GCA: variants seen among roughly 807,000 people sequenced by gnomAD.
GCA encodes grancalcin, EF-hand calcium-binding protein.
GCA carries 30 observed loss-of-function variants against 32.6 expected under a neutral mutation model. That is an observed-to-expected ratio of 0.92 (90% CI 0.69 to 1.25). The LOEUF is 1.25. Among genes scored for constraint, GCA ranks in the 50% most tolerant of loss-of-function variants. The pLI is 0.00. For missense variants in GCA, 291 were observed against 266.8 expected, an observed-to-expected ratio of 1.09 and a Z score of -0.63; for synonymous variants, 102 against 84.6, an observed-to-expected ratio of 1.21 and a Z score of -1.13.
At chr2:162,333,429 TTATC>T (rs1211261994) in intron 1 of GCA, among the ~76,000 whole-genome samples, 1 of 152,124 alleles carries the variant, frequency 6.6e-6, no homozygotes, top group Non-Finnish European at 1.5e-5. Flanking sequence ...TGTGTTTCAT[TTATC>T]TATCTGAGTA....
chr2:162,366,815 T>C (rs1262221050), downstream of GCA, among the ~76,000 whole-genome samples: 1 of 151,948 alleles, frequency 6.6e-6, no homozygotes, highest in Admixed American at 6.6e-5. Context: ...AAGGATGCTA[T>C]CTATACTGGC....
At chr2:162,341,267 T>TTA (rs3052040), upstream of GCA, among the ~76,000 whole-genome samples, 15,808 of 115,824 alleles carry the variant, frequency 0.14, 1,070 homozygotes, top group South Asian at 0.24. Flanking sequence ...CTTATTTATT[T>TTA]TATATATATA....
chr2:162,328,261 A>G (rs1282086062), intron 1 of GCA, among the ~76,000 whole-genome samples: 1 of 150,752 alleles, frequency 6.6e-6, no homozygotes, highest in African/African-American at 2.4e-5. Context: ...GAATGGTGGC[A>G]TGTGCCTGTA....
chr2:162,349,471 G>C (rs1684881057), intron 2 of GCA, among the ~76,000 whole-genome samples: 1 of 152,022 alleles, frequency 6.6e-6, no homozygotes, highest in African/African-American at 2.4e-5. Flanking sequence ...AACTAAGATA[G>C]TTGCATGTGT....
chr2:162,373,735 C>A, downstream of GCA: 2 of 1,039,764 alleles, frequency 1.9e-6, no homozygotes, highest in Non-Finnish European at 1.3e-6. Context: ...AAAAAAATTT[C>A]AGCACTACCA....
chr2:162,326,465 C>A (rs1034577798), intron 1 of GCA, among the ~76,000 whole-genome samples: 1 of 152,114 alleles, frequency 6.6e-6, no homozygotes, highest in African/African-American at 2.4e-5. Context: ...GAACTAGTTG[C>A]CCATTCTGAA....
chr2:162,319,381 C>T (rs541480905), intron 1 of GCA: 21 of 324,538 alleles, frequency 6.5e-5, no homozygotes, highest in South Asian at 3.5e-4. Context: ...CTTAAAGTTT[C>T]CTAGATCCCA....
chr2:162,346,015 TTTC>T (rs753028259), intron 1 of GCA, among the ~76,000 whole-genome samples: 2 of 152,238 alleles, frequency 1.3e-5, no homozygotes, highest in African/African-American at 4.8e-5. Flanking sequence ...AGATTTTTAC[TTTC>T]TTCTTTTAAG....
chr2:162,369,183 A>G (rs139821032), intron 4 of GCA, among the ~76,000 whole-genome samples: 64 of 152,170 alleles, frequency 4.2e-4, no homozygotes, highest in Non-Finnish European at 4.0e-4. Flanking sequence ...TGTTTTTGCA[A>G]TAGCCAACAG....
At chr2:162,327,619 T>A (rs762295029) in intron 1 of GCA, among the ~76,000 whole-genome samples, 2 of 152,106 alleles carry the variant, frequency 1.3e-5, no homozygotes, top group Non-Finnish European at 2.9e-5. Context: ...GCTTTTGGGG[T>A]CAGCCTTTGG....
At chr2:162,325,059 A>G (rs1683827528) in intron 1 of GCA, among the ~76,000 whole-genome samples, 1 of 152,200 alleles carries the variant, frequency 6.6e-6, no homozygotes, top group African/African-American at 2.4e-5. Context: ...TACACAAAGA[A>G]AGAATTTGGT....
At chr2:162,374,712 T>TC (rs1686099490), downstream of GCA, among the ~76,000 whole-genome samples, 1 of 152,094 alleles carries the variant, frequency 6.6e-6, no homozygotes, top group Non-Finnish European at 1.5e-5. Flanking sequence ...GAAAATATCT[T>TC]CTTTTTTTTT....
chr2:162,329,861 C>T (rs1403747475), intron 1 of GCA, among the ~76,000 whole-genome samples: 3 of 151,976 alleles, frequency 2.0e-5, no homozygotes, highest in South Asian at 2.1e-4. Context: ...TAGGCCACAG[C>T]GTGTGTCGTT....
At chr2:162,373,919 G>A (rs1686060859), downstream of GCA, among the ~76,000 whole-genome samples, 2 of 152,112 alleles carry the variant, frequency 1.3e-5, no homozygotes, top group African/African-American at 4.8e-5. Flanking sequence ...TAGACTACAT[G>A]TTTACTAACC....
At chr2:162,372,108 G>T, downstream of GCA, 4 of 1,592,624 alleles carry the variant, frequency 2.5e-6, no homozygotes, top group Non-Finnish European at 3.4e-6. Flanking sequence ...GATGGAAAAA[G>T]AACAAAACAA....
intron 5 of GCA, among the ~76,000 whole-genome samples, chr2:162,357,836 A>G (rs1685361865): frequency 6.6e-6 from 1 of 151,616 alleles, no homozygotes; most frequent in South Asian, 2.1e-4. Context: ...AGGCAGTGGA[A>G]TGTAAAAAGG....
At chr2:162,333,483 C>A (rs1392519235) in intron 1 of GCA, among the ~76,000 whole-genome samples, 1 of 152,034 alleles carries the variant, frequency 6.6e-6, no homozygotes, top group Non-Finnish European at 1.5e-5. Context: ...CTTTGGGGAG[C>A]TTGCAGAGTC....
intron 1 of GCA, among the ~76,000 whole-genome samples, chr2:162,324,887 G>C (rs1002702713): frequency 1.3e-5 from 2 of 152,144 alleles, no homozygotes; most frequent in African/African-American, 4.8e-5. Context: ...TGGTAAAAAT[G>C]GCACAGACTC....
At chr2:162,326,500 A>C (rs1683884830) in intron 1 of GCA, among the ~76,000 whole-genome samples, 1 of 151,914 alleles carries the variant, frequency 6.6e-6, no homozygotes, top group African/African-American at 2.4e-5. Context: ...GGCATCCCTC[A>C]TTTCCCTTCT....
Sources: allele counts gnomAD v4.1 joint callset (sites outside exome capture counted in the v4.1 genomes callset), GRCh38; gene constraint gnomAD v4.1.1; transcripts MANE v1.5; gene names NCBI Gene and HGNC (gene_info 2026-07-23, HGNC 2026-07-21).